PDE4B: variants seen among roughly 807,000 people sequenced by gnomAD.
PDE4B encodes 3',5'-cyclic-AMP phosphodiesterase 4B.
A neutral mutation model predicts 82.2 loss-of-function variants in PDE4B; 20 were observed. The observed-to-expected ratio is 0.24, with a 90% CI of 0.17 to 0.35. The LOEUF (loss-of-function observed/expected upper bound fraction) is 0.35, where lower values mean the gene tolerates loss of function less well. PDE4B is among the 10% of genes least tolerant of loss of function. PDE4B has a pLI of 1.00. For missense variants in PDE4B, 655 were observed against 907.2 expected (o/e 0.72, Z 3.57); for synonymous variants, 320 against 318.9 (o/e 1.00, Z -0.04).
At position 66,288,394 on chromosome 1, in the gene PDE4B, G is replaced by A. The variant is rs368638465; in HGVS notation, c.634+22307G>A. On this transcript the variant is annotated intron_variant, in intron 7 of 16. Transcript: ENST00000341517. The stretch of plus-strand genomic sequence containing the variant: ...GGATTACATTCCAACCTGAGAGTTA[G>A]GTGGGACATCCAAACCATATCACAA... Among the ~76,000 whole-genome samples the A allele has an allele frequency of 4.1e-4, 62 of 152,224 alleles. 1 individual carries two copies. In the East Asian group the frequency reaches 7.7e-3, roughly 19 times the overall value.
At chr1:66,297,667 C>T (rs7518325) in intron 7 of PDE4B, among the ~76,000 whole-genome samples, 2,417 of 152,214 alleles carry the variant, frequency 0.016, 32 homozygotes, top group African/African-American at 0.042. Flanking sequence ...AATTAACCCA[C>T]TTCTATGATA....
intron 3 of PDE4B, among the ~76,000 whole-genome samples, chr1:66,125,266 C>T (rs112860593): frequency 2.7e-5 from 4 of 150,904 alleles, no homozygotes; most frequent in South Asian, 2.1e-4. Context: ...TAGGTTCAAG[C>T]GATTCTCCTG....
chr1:66,015,177 C>A (rs1557498680), intron 3 of PDE4B, among the ~76,000 whole-genome samples: 1 of 152,040 alleles, frequency 6.6e-6, no homozygotes, highest in African/African-American at 2.4e-5. Flanking sequence ...CATTCATTTT[C>A]TCTTTTCTGT....
In PDE4B at chr1:66,249,831, A is replaced by G. The variant is rs932265700; in HGVS notation, c.476+2177A>G. The stretch of plus-strand genomic sequence containing the variant: ...TGGGCACAATTTCATAATAAAAAGC[A>G]GCCTTTCCCAAGAAAACAAGGTTGG... On this transcript the variant is annotated intron_variant, in intron 4 of 16. Coordinates refer to ENST00000341517, the MANE Select transcript of PDE4B (RefSeq NM_002600.4). Among the ~76,000 whole-genome samples, 9 of 152,364 alleles carry G rather than the reference A, an allele frequency of 5.9e-5. No individual in the cohort carries two copies. The South Asian group carries it at 1.9e-3, about 32-fold the overall frequency.
At chr1:66,119,162 G>A (rs74084621) in intron 3 of PDE4B, among the ~76,000 whole-genome samples, 3,753 of 152,250 alleles carry the variant, frequency 0.025, 145 homozygotes, top group African/African-American at 0.086. Context: ...GCCTAGTCTC[G>A]ATTTTGGTTG....
At chr1:65,897,211 G>C (rs1646920295) in intron 1 of PDE4B, among the ~76,000 whole-genome samples, 1 of 152,078 alleles carries the variant, frequency 6.6e-6, no homozygotes, top group African/African-American at 2.4e-5. Context: ...GACAGAATTA[G>C]AATTTCAACC....
At chr1:65,800,999 C>A (rs1342608501) in intron 1 of PDE4B, among the ~76,000 whole-genome samples, 1 of 152,196 alleles carries the variant, frequency 6.6e-6, no homozygotes, top group Non-Finnish European at 1.5e-5. Flanking sequence ...AGTTGGAAAG[C>A]AAAACATTCA....
At chr1:66,126,084 G>T (rs914671273) in intron 3 of PDE4B, among the ~76,000 whole-genome samples, 1 of 152,196 alleles carries the variant, frequency 6.6e-6, no homozygotes, top group Non-Finnish European at 1.5e-5. Context: ...GGGATTACAG[G>T]CGTGAGCCAC....
At chr1:66,043,982 GT>G (rs1285964193) in intron 3 of PDE4B, among the ~76,000 whole-genome samples, 1 of 151,682 alleles carries the variant, frequency 6.6e-6, no homozygotes, top group Non-Finnish European at 1.5e-5. Flanking sequence ...GTCTCACTTG[GT>G]TATGGGAGGA....
At chr1:66,307,785 G>T (rs1192386740) in intron 7 of PDE4B, among the ~76,000 whole-genome samples, 1 of 151,960 alleles carries the variant, frequency 6.6e-6, no homozygotes, top group African/African-American at 2.4e-5. Context: ...CGGTTTTTTT[G>T]TTGTTGCTGT....
chr1:66,267,010 G>A, intron 7 of PDE4B: 1 of 184,486 alleles, frequency 5.4e-6, no homozygotes, highest in South Asian at 9.1e-5. Context: ...TTTCTTTCTG[G>A]TATCCTGATC....
intron 3 of PDE4B, among the ~76,000 whole-genome samples, chr1:66,238,114 G>GA (rs1275583980): frequency 3.2e-4 from 49 of 151,984 alleles, no homozygotes; most frequent in African/African-American, 1.2e-3. Flanking sequence ...GAGAGTAGAG[G>GA]AGAAAACAAA....
intron 3 of PDE4B, among the ~76,000 whole-genome samples, chr1:66,069,685 A>G (rs1006517111): frequency 1.3e-5 from 2 of 152,004 alleles, no homozygotes; most frequent in Non-Finnish European, 1.5e-5. Context: ...TAAAAAGGAT[A>G]ATCTCTAAAA....
At chr1:66,022,845 C>T (rs1346638982) in intron 3 of PDE4B, among the ~76,000 whole-genome samples, 2 of 152,304 alleles carry the variant, frequency 1.3e-5, no homozygotes, top group East Asian at 1.9e-4. Flanking sequence ...GGAGGATTCC[C>T]TCTTTTTCTA....
chr1:66,214,444 C>T (rs1360120158), intron 3 of PDE4B, among the ~76,000 whole-genome samples: 10 of 152,044 alleles, frequency 6.6e-5, no homozygotes, highest in Non-Finnish European at 1.2e-4. Flanking sequence ...TTTCTCAGCA[C>T]TTGCTCTTGG....
At chr1:65,884,414 C>G (rs533357336) in intron 1 of PDE4B, among the ~76,000 whole-genome samples, 5 of 151,826 alleles carry the variant, frequency 3.3e-5, no homozygotes, top group Non-Finnish European at 7.4e-5. Context: ...GAATCCTAAG[C>G]CAAAAGAACA....
chr1:66,107,470 A>G (rs1461076784), intron 3 of PDE4B, among the ~76,000 whole-genome samples: 1 of 151,804 alleles, frequency 6.6e-6, no homozygotes, highest in African/African-American at 2.4e-5. Context: ...TTCACTTAAA[A>G]AAGGTTTTCA....
intron 7 of PDE4B, among the ~76,000 whole-genome samples, chr1:66,300,307 C>T (rs533087296): frequency 6.6e-6 from 1 of 152,148 alleles, no homozygotes; most frequent in Non-Finnish European, 1.5e-5. Flanking sequence ...ACTCACACTG[C>T]ATTCCTGGGT....
At chr1:66,268,913 G>A (rs1362589946) in intron 7 of PDE4B, among the ~76,000 whole-genome samples, 3 of 151,848 alleles carry the variant, frequency 2.0e-5, no homozygotes, top group Non-Finnish European at 4.4e-5. Flanking sequence ...CTCTCCCATT[G>A]GAGATAAAGC....
Sources: gnomAD v4.1 joint callset for allele counts (sites outside exome capture counted in the v4.1 genomes callset) on GRCh38, gnomAD v4.1.1 for gene constraint, MANE v1.5 for transcripts, NCBI Gene and HGNC (gene_info 2026-07-23, HGNC 2026-07-21) for gene names.